The following NT5C2 variants were observed in gnomAD, a reference collection of about 807,000 sequenced individuals.
NT5C2 encodes the protein cytosolic purine 5'-nucleotidase.
Under a neutral mutation model 76.1 loss-of-function variants are expected in NT5C2, and 58 were observed. The ratio of observed to expected loss-of-function variants is 0.76; its 90% CI spans 0.62 to 0.95. The LOEUF is 0.95. Ranked by LOEUF, NT5C2 falls within the 40% of genes least tolerant of loss-of-function variation. The pLI, the probability that NT5C2 is intolerant of heterozygous loss-of-function variation, is 0.00. For missense variants in NT5C2, 478 were observed against 690.3 expected (o/e 0.69, Z 3.45); for synonymous variants, 229 against 237.4 (o/e 0.96, Z 0.32).
chr10:103,106,731 A>T (rs748418929), intron 4 of NT5C2, 25 bp from the exon 5 acceptor site: 2 of 1,355,256 alleles, frequency 1.5e-6, no homozygotes, highest in Admixed American at 1.7e-5. Flanking sequence ...GGTTTTCATT[A>T]GTTAGCAGAA....
chr10:103,129,137 C>T (rs1177383305), intron 4 of NT5C2, among the ~76,000 whole-genome samples: 9 of 123,378 alleles, frequency 7.3e-5, no homozygotes, highest in East Asian at 2.9e-4. Flanking sequence ...GGGTCAGCCC[C>T]CCGCCCGGCC....
chr10:103,164,320 C>T (rs2085794266), intron 3 of NT5C2, among the ~76,000 whole-genome samples: 2 of 151,984 alleles, frequency 1.3e-5, no homozygotes, highest in African/African-American at 4.8e-5. Context: ...TGCACTGGCT[C>T]AATCTTGGCT....
At chr10:103,171,559 G>C (rs1259339895) in intron 3 of NT5C2, among the ~76,000 whole-genome samples, 1 of 152,132 alleles carries the variant, frequency 6.6e-6, no homozygotes, top group East Asian at 1.9e-4. Flanking sequence ...CTTACTGCCG[G>C]CTTTCCTGGT....
At chr10:103,156,162 TGA>T (rs2083325098) in intron 3 of NT5C2, among the ~76,000 whole-genome samples, 1 of 151,654 alleles carries the variant, frequency 6.6e-6, no homozygotes, top group African/African-American at 2.4e-5. Context: ...CTCCATCTCT[TGA>T]AAAAAAAATT....
intron 6 of NT5C2, among the ~76,000 whole-genome samples, chr10:103,104,484 G>C (rs1298127144): frequency 6.6e-6 from 1 of 152,186 alleles, no homozygotes; most frequent in East Asian, 1.9e-4. Flanking sequence ...AATAGCTTAA[G>C]TTACTAGTAC....
chr10:103,144,653 T>C (rs2081169792), intron 3 of NT5C2, among the ~76,000 whole-genome samples: 1 of 152,216 alleles, frequency 6.6e-6, no homozygotes, highest in Non-Finnish European at 1.5e-5. Flanking sequence ...CATTGCTACA[T>C]ATCCATCAAA....
chr10:103,103,112 T>C (rs915319819), intron 6 of NT5C2, among the ~76,000 whole-genome samples: 3 of 152,196 alleles, frequency 2.0e-5, no homozygotes, highest in Admixed American at 6.5e-5. Context: ...AAATGCACAG[T>C]TCTGACAGTG....
At chr10:103,093,056 C>A (rs1048581389) in intron 15 of NT5C2, 83 bp downstream of exon 15, 14 of 1,237,176 alleles carry the variant, frequency 1.1e-5, no homozygotes, top group East Asian at 2.6e-5. Flanking sequence ...TTCCTGAATA[C>A]AAAGTAATGG....
At chr10:103,190,236 G>A (rs764220960) in intron 1 of NT5C2, among the ~76,000 whole-genome samples, 4 of 152,220 alleles carry the variant, frequency 2.6e-5, no homozygotes, top group Non-Finnish European at 5.9e-5. Context: ...CCTGACCTCA[G>A]GTGGTCATTC....
At chr10:103,160,964 C>T (rs576817543) in intron 3 of NT5C2, among the ~76,000 whole-genome samples, 6 of 151,774 alleles carry the variant, frequency 4.0e-5, no homozygotes, top group Non-Finnish European at 7.4e-5. Context: ...GACCTGAGAT[C>T]GTGCCACACT....
At chr10:103,126,657 T>C (rs1241438343) in intron 4 of NT5C2, among the ~76,000 whole-genome samples, 1 of 152,080 alleles carries the variant, frequency 6.6e-6, no homozygotes, top group Non-Finnish European at 1.5e-5. Context: ...CATAGTCCAC[T>C]CTTGGCCAGT....
chr10:103,182,584 G>A (rs561269114), intron 1 of NT5C2, among the ~76,000 whole-genome samples: 50 of 151,526 alleles, frequency 3.3e-4, no homozygotes, highest in Non-Finnish European at 6.6e-4. Context: ...GCAGTGAGCC[G>A]AGATCCCGCC....
In NT5C2 at chr10:103,158,615, G is replaced by A. The variant is rs1037177127; in HGVS notation, c.101+16243C>T. ...GGCGATCACTTGAGGTGAGGAGTTC[G>A]AGACCAGCCTGGCCAACATGGTGAA... On this transcript the variant is annotated intron_variant, in intron 3 of 18. Transcript: ENST00000404739. Among the ~76,000 whole-genome samples the A allele has an allele frequency of 3.3e-5, 5 of 152,040 alleles. No individual in the cohort carries two copies. In the South Asian group the frequency reaches 6.2e-4, roughly 19 times the overall value.
In NT5C2 at chr10:103,181,329, CTG is replaced by C. The variant is rs1369327535; in HGVS notation, c.-168-3_-168-2del. 7.0e-6 allele frequency: 1 copy of C among 142,340 alleles called. No homozygotes were observed. The highest frequency in any genetic ancestry group is 1.5e-5 in the Non-Finnish European group (1 of 64,924). The allele number at this position is 142,340 out of a possible 1,614,324, so 8.8% of individuals were successfully genotyped here. ...CCAGCCTGGGCAGCAGAGCGAAACT[CTG>C]TCTCAAAAAAAAAAAAAATAATAAT... On this transcript the variant is annotated splice_acceptor_variant and splice_polypyrimidine_tract_variant and intron_variant, in intron 1 of 18. Transcript: ENST00000404739. LOFTEE classifies it low-confidence loss of function (5UTR_SPLICE).
At chr10:103,191,662 A>G (rs1161259193) in intron 1 of NT5C2, among the ~76,000 whole-genome samples, 1 of 152,184 alleles carries the variant, frequency 6.6e-6, no homozygotes, top group African/African-American at 2.4e-5. Flanking sequence ...ATACAATGGC[A>G]TCAAACCTTT....
At chr10:103,189,119 CTGAG>C (rs1250241748) in intron 1 of NT5C2, among the ~76,000 whole-genome samples, 1 of 151,704 alleles carries the variant, frequency 6.6e-6, no homozygotes, top group Non-Finnish European at 1.5e-5. Flanking sequence ...AGTAAGCTTG[CTGAG>C]TATTAGCATG....
At chr10:103,129,456 C>A (rs1360661944) in intron 4 of NT5C2, among the ~76,000 whole-genome samples, 1 of 109,832 alleles carries the variant, frequency 9.1e-6, no homozygotes, top group Non-Finnish European at 2.0e-5. Context: ...CGGCCAGCCA[C>A]CCCGTCCGGG....
intron 4 of NT5C2, among the ~76,000 whole-genome samples, chr10:103,116,709 G>T (rs2074438110): frequency 6.6e-6 from 1 of 150,686 alleles, no homozygotes; most frequent in South Asian, 2.1e-4. Context: ...CCAGTAGCTG[G>T]GGCTTACCAA....
intron 16 of NT5C2, 55 bp from the exon 17 acceptor site, chr10:103,091,051 CT>C: frequency 6.7e-7 from 1 of 1,488,716 alleles, no homozygotes; most frequent in Non-Finnish European, 9.3e-7. Context: ...TTTTTTTATT[CT>C]TTAAGACAGT....
Sources: gnomAD v4.1 joint callset for allele counts (sites outside exome capture counted in the v4.1 genomes callset) on GRCh38, gnomAD v4.1.1 for gene constraint, MANE v1.5 for transcripts, NCBI Gene and HGNC (gene_info 2026-07-23, HGNC 2026-07-21) for gene names.